Variants in KCTD20 observed in about 807,000 individuals in gnomAD.
The protein encoded by KCTD20 is potassium channel tetramerization domain containing 20.
In KCTD20, 30 loss-of-function variants were observed where a neutral mutation model predicts 39.6. The ratio of observed to expected loss-of-function variants is 0.76; its 90% CI spans 0.57 to 1.03. The LOEUF (loss-of-function observed/expected upper bound fraction) is 1.03, where lower values mean the gene tolerates loss of function less well. Ranked by LOEUF, KCTD20 falls within the 50% of genes least tolerant of loss-of-function variation. The pLI is 0.00. For missense variants in KCTD20, 422 were observed against 522.0 expected (o/e 0.81, Z 1.87); for synonymous variants, 162 against 180.6 (o/e 0.90, Z 0.83).
At chr6:36,448,934 G>T (rs1363182776) in intron 1 of KCTD20, among the ~76,000 whole-genome samples, 1 of 151,956 alleles carries the variant, frequency 6.6e-6, no homozygotes, top group Non-Finnish European at 1.5e-5. Context: ...GCTCTTAAAG[G>T]TGGCGTGTCT....
chr6:36,483,290 CAG>C (rs1194249293), intron 6 of KCTD20, among the ~76,000 whole-genome samples: 1 of 109,332 alleles, frequency 9.1e-6, no homozygotes, highest in Non-Finnish European at 1.7e-5. Context: ...TTTTTTGAGA[CAG>C]AGTCCCACCT....
rs144265182 is a variant in KCTD20, at chr6:36,445,299, C to T, written c.-47+2188C>T. Among the ~76,000 whole-genome samples, 52 of 150,428 alleles carry T rather than the reference C, an allele frequency of 3.5e-4. No individual in the cohort carries two copies. In the East Asian group the frequency reaches 4.3e-3, roughly 12 times the overall value. On this transcript the variant is annotated intron_variant, in intron 1 of 7. Transcript: ENST00000373731. ...AAAAAAAAATCTGTAACAGAGACATCTAGTAACTTTGGTAAGGACAATAAT... is the reference window on the plus strand; with the variant it reads ...AAAAAAAAATCTGTAACAGAGACATTTAGTAACTTTGGTAAGGACAATAAT...
At position 36,443,081 on chromosome 6, in the gene KCTD20, C is replaced by G. The variant is rs1297815303; in HGVS notation, c.-77C>G. The G allele has an allele frequency of 6.6e-6, 1 of 151,920 alleles. No individual in the cohort carries two copies. Among genetic ancestry groups the G allele is most frequent in the Admixed American group, 6.6e-5 (1 of 15,248 alleles). The allele number at this position is 151,920 out of a possible 1,614,324, so 9.4% of individuals were successfully genotyped here. A position where few individuals can be genotyped will look rare whatever the true frequency, so the allele number is the denominator to read the frequency against. The stretch of plus-strand genomic sequence containing the variant: ...CGCGCCTCCCGGGCGGATTCCAGCC[C>G]CGAGCGGGACAGCGCGGCGGGGAGC... On this transcript the variant is annotated 5_prime_UTR_variant, in exon 1 of 8. Transcript: ENST00000373731.
chr6:36,486,980 G>C lies in KCTD20; in HGVS notation c.1065G>C (p.Trp355Cys), dbSNP rs768614096. The C allele has an allele frequency of 9.9e-6, 16 of 1,614,142 alleles. No homozygotes were observed. In the South Asian group the frequency reaches 1.8e-4, roughly 18 times the overall value. The change falls in exon 8 of 8, where the codon TGG becomes TGC. Residue 355 changes from tryptophan (W) to cysteine (C), a missense_variant. Physicochemically the swap from Trp to Cys is radical, Grantham distance 215. Transcript: ENST00000373731. ...YVQRPFIQMS[W>C]EKEEGKSRHV... is the part of the protein sequence containing the mutation. Reference sequence around the variant, plus strand: ...AACGCCCCTTCATCCAGATGTCATGGGAAAAGGAAGAAGGGAAGAGTCGCC... The same window carrying C: ...AACGCCCCTTCATCCAGATGTCATGCGAAAAGGAAGAAGGGAAGAGTCGCC...
At chr6:36,479,557 C>A in intron 4 of KCTD20, 34 bp from the exon 5 acceptor site, 1 of 1,584,504 alleles carries the variant, frequency 6.3e-7, no homozygotes. Flanking sequence ...ATCTTGTTCT[C>A]TGCCTACATT....
chr6:36,454,562 G>T (rs142582922), intron 1 of KCTD20, among the ~76,000 whole-genome samples: 3 of 151,810 alleles, frequency 2.0e-5, no homozygotes, highest in African/African-American at 4.8e-5. Flanking sequence ...GGCTTGTCTC[G>T]AACTCCTGAT....
At position 36,489,867 on chromosome 6, in the gene KCTD20, A is replaced by T. The variant is rs963203669; in HGVS notation, c.*2692A>T. On this transcript the variant is annotated 3_prime_UTR_variant, in exon 8 of 8. Transcript: ENST00000373731. The stretch of plus-strand genomic sequence containing the variant: ...CATATCATGCTGTTTTGATGAGGAA[A>T]CATTTGCCACTGAGGAGTTGGAGGG... 2 of 152,224 alleles carry T rather than the reference A, an allele frequency of 1.3e-5. No individual in the cohort carries two copies. Among genetic ancestry groups the T allele is most frequent in the African/African-American group, 4.8e-5 (2 of 41,460 alleles). The allele number at this position is 152,224 out of a possible 1,614,324, so 9.4% of individuals were successfully genotyped here.
intron 1 of KCTD20, among the ~76,000 whole-genome samples, chr6:36,465,094 A>G (rs1004966500): frequency 2.6e-5 from 4 of 152,062 alleles, no homozygotes; most frequent in Non-Finnish European, 5.9e-5. Context: ...TCAGGAGATC[A>G]AGACCATCCT....
At chr6:36,463,536 G>T (rs957877667) in intron 1 of KCTD20, among the ~76,000 whole-genome samples, 15 of 152,192 alleles carry the variant, frequency 9.9e-5, no homozygotes, top group Admixed American at 9.8e-4. Context: ...GAATGTATAT[G>T]TCCCTCCAAA....
chr6:36,463,607 G>A (rs1262562231), intron 1 of KCTD20, among the ~76,000 whole-genome samples: 2 of 152,152 alleles, frequency 1.3e-5, no homozygotes, highest in Non-Finnish European at 2.9e-5. Flanking sequence ...GCCTTTAGGA[G>A]GTGATTAGGC....
chr6:36,471,150 C>CAAA (rs57194798), intron 2 of KCTD20, among the ~76,000 whole-genome samples: 76 of 138,398 alleles, frequency 5.5e-4, no homozygotes, highest in South Asian at 1.2e-3. Flanking sequence ...GACTGTGTCT[C>CAAA]AAAAAAAAAA....
chr6:36,448,494 G>A (rs1775128885), intron 1 of KCTD20, among the ~76,000 whole-genome samples: 1 of 152,148 alleles, frequency 6.6e-6, no homozygotes. Context: ...TTTACAGGGA[G>A]AACGTGAAAT....
intron 1 of KCTD20, among the ~76,000 whole-genome samples, chr6:36,463,334 G>T (rs1343160733): frequency 1.3e-5 from 2 of 152,118 alleles, no homozygotes; most frequent in East Asian, 3.9e-4. Flanking sequence ...CCCATGGAGT[G>T]ATTTCCAGGA....
At chr6:36,452,999 C>CTTTTTTTTTTTTTTT (rs59865602) in intron 1 of KCTD20, among the ~76,000 whole-genome samples, 2 of 58,158 alleles carry the variant, frequency 3.4e-5, no homozygotes, top group Non-Finnish European at 3.1e-5. Flanking sequence ...GTTTTCTTAG[C>CTTTTTTTTTTTTTTT]TTTTTTTTTT....
chr6:36,472,060 G>A (rs1209191692), intron 2 of KCTD20, among the ~76,000 whole-genome samples: 13 of 152,274 alleles, frequency 8.5e-5, no homozygotes, highest in African/African-American at 3.1e-4. Context: ...GTGTTAGCCA[G>A]GATGGTCTCG....
At chr6:36,473,387 A>G (rs1051175586) in intron 2 of KCTD20, among the ~76,000 whole-genome samples, 1 of 152,082 alleles carries the variant, frequency 6.6e-6, no homozygotes, top group African/African-American at 2.4e-5. Flanking sequence ...TCACGTCCTT[A>G]ATTTCAGTTT....
At chr6:36,460,617 C>T (rs916823117) in intron 1 of KCTD20, among the ~76,000 whole-genome samples, 2 of 152,064 alleles carry the variant, frequency 1.3e-5, no homozygotes, top group Non-Finnish European at 2.9e-5. Flanking sequence ...ACAATTAGAA[C>T]TTAATTTGAA....
chr6:36,454,738 A>G (rs1775379319), intron 1 of KCTD20, among the ~76,000 whole-genome samples: 1 of 151,856 alleles, frequency 6.6e-6, no homozygotes, highest in African/African-American at 2.4e-5. Context: ...GCCGGGTTCA[A>G]GCAGTTCTCC....
chr6:36,487,252 T>G lies in KCTD20; in HGVS notation c.*77T>G. Reference sequence around the variant, plus strand: ...GCAGCCAGCCCTCCCTCGTGATTTGTCTCACCTTGAGTAGGAGACATGCTT... The same window carrying G: ...GCAGCCAGCCCTCCCTCGTGATTTGGCTCACCTTGAGTAGGAGACATGCTT... On this transcript the variant is annotated 3_prime_UTR_variant, in exon 8 of 8. Transcript: ENST00000373731. 1 of 1,452,684 alleles carries G rather than the reference T, an allele frequency of 6.9e-7. No homozygotes were observed. Among genetic ancestry groups the G allele is most frequent in the Non-Finnish European group, 9.4e-7 (1 of 1,063,668 alleles). 90.0% of individuals were successfully genotyped at this position (1,452,684 alleles called of 1,614,324 possible). A position where few individuals can be genotyped will look rare whatever the true frequency, so the allele number is the denominator to read the frequency against.
Sources: gnomAD v4.1 joint callset for allele counts (sites outside exome capture counted in the v4.1 genomes callset) on GRCh38, gnomAD v4.1.1 for gene constraint, MANE v1.5 for transcripts, NCBI Gene and HGNC (gene_info 2026-07-23, HGNC 2026-07-21) for gene names.